Variants in YTHDC1 observed in about 807,000 individuals in gnomAD.
The protein encoded by YTHDC1 is YTH domain-containing protein 1.
Under a neutral mutation model 107.0 loss-of-function variants are expected in YTHDC1, and 12 were observed. That is an observed-to-expected ratio of 0.11 (90% CI 0.07 to 0.18). The LOEUF is 0.18. Among genes scored for constraint, YTHDC1 ranks in the 10% least tolerant of loss-of-function variants. The pLI, the probability that YTHDC1 is intolerant of heterozygous loss-of-function variation, is 1.00. For missense variants in YTHDC1, 635 were observed against 898.8 expected (o/e 0.71, Z 3.75); for synonymous variants, 280 against 289.5 (o/e 0.97, Z 0.33).
intron 1 of YTHDC1, among the ~76,000 whole-genome samples, chr4:68,346,635 C>T (rs1725474603): frequency 1.3e-5 from 2 of 152,110 alleles, no homozygotes; most frequent in Admixed American, 1.3e-4. Flanking sequence ...CATATGTTAC[C>T]TGCCATTAGT....
At chr4:68,346,244 C>T (rs1305223165) in intron 1 of YTHDC1, among the ~76,000 whole-genome samples, 2 of 151,846 alleles carry the variant, frequency 1.3e-5, no homozygotes, top group East Asian at 3.9e-4. Flanking sequence ...AGGAAGACCT[C>T]GTCTCTACTA....
Position 68,316,341 on chromosome 4 carries a change from A to C in YTHDC1, c.1932T>G (p.His644Gln), listed in dbSNP as rs1296578972. The change falls in exon 16 of 17, where the codon CAT becomes CAG. Residue 644 changes from histidine (H) to glutamine (Q), a missense_variant. Coordinates refer to ENST00000344157, the MANE Select transcript of YTHDC1 (RefSeq NM_001031732.4). The part of the protein sequence containing the change: ...PPYSGHHPVP[H>Q]EARYRDKRVH... ...CTCGTTTATCTCTGTATCTTGCTTC[A>C]TGTGGTACTGGATGATGTCCTGAGT... 6.2e-7 allele frequency: 1 copy of C among 1,613,626 alleles called. No individual in the cohort carries two copies. The highest frequency in any genetic ancestry group is 8.5e-7 in the Non-Finnish European group (1 of 1,179,750).
chr4:68,333,986 A>T (rs1723881083), intron 4 of YTHDC1, among the ~76,000 whole-genome samples: 1 of 152,058 alleles, frequency 6.6e-6, no homozygotes, highest in Non-Finnish European at 1.5e-5. Context: ...CTTATTTTCA[A>T]ATTCAATTTA....
chr4:68,336,900 TA>T, intron 4 of YTHDC1, 126 bp downstream of exon 4: 1 of 1,290,798 alleles, frequency 7.7e-7, no homozygotes, highest in Non-Finnish European at 1.0e-6. Flanking sequence ...CAAAAGCATA[TA>T]AAGGATCACA....
chr4:68,325,254 T>C (rs1056723625), intron 9 of YTHDC1, among the ~76,000 whole-genome samples: 6 of 152,154 alleles, frequency 3.9e-5, no homozygotes, highest in African/African-American at 1.4e-4. Context: ...GGGTACTATA[T>C]GCACAATACA....
intron 9 of YTHDC1, among the ~76,000 whole-genome samples, chr4:68,325,256 C>T (rs1463574077): frequency 6.6e-6 from 1 of 151,974 alleles, no homozygotes; most frequent in Non-Finnish European, 1.5e-5. Context: ...GTACTATATG[C>T]ACAATACAGA....
intron 1 of YTHDC1, among the ~76,000 whole-genome samples, chr4:68,340,147 G>A (rs1317735990): frequency 2.6e-5 from 4 of 152,108 alleles, no homozygotes; most frequent in Non-Finnish European, 5.9e-5. Context: ...TAACCTGGGG[G>A]CTATAAACAG....
At position 68,316,350 on chromosome 4, in the gene YTHDC1, T is replaced by A. The variant is rs2109677035; in HGVS notation, c.1923A>T (p.Pro641=). Residue 641 remains proline, a synonymous_variant, in exon 16 of 17, where the codon CCA becomes CCT. Transcript: ENST00000344157. ...QAHPPYSGHH[P]VPHEARYRDK... is the part of the protein sequence containing the mutation. Reference sequence around the variant, plus strand: ...CTCTGTATCTTGCTTCATGTGGTACTGGATGATGTCCTGAGTAAGGGGGAT... The same window carrying A: ...CTCTGTATCTTGCTTCATGTGGTACAGGATGATGTCCTGAGTAAGGGGGAT... 3.1e-6 allele frequency: 5 copies of A among 1,614,042 alleles called. No individual in the cohort carries two copies. The highest frequency in any genetic ancestry group is 4.2e-6 in the Non-Finnish European group (5 of 1,179,910).
rs1186963885 is a variant in YTHDC1 at position 68,350,009 on chromosome 4, G to GA, written c.-257dup. On this transcript the variant is annotated 5_prime_UTR_variant, in exon 1 of 17. Coordinates refer to ENST00000344157, the MANE Select transcript of YTHDC1 (RefSeq NM_001031732.4). ...GCTCAGACTCGGGCTAGGTATGGGG[G>GA]AGGGAAGGGAAACAGATGGCGACGG... The GA allele has an allele frequency of 6.9e-6, 4 of 578,678 alleles. No individual in the cohort carries two copies. In the African/African-American group the frequency reaches 7.6e-5, roughly 11 times the overall value. 35.8% of individuals were successfully genotyped at this position (578,678 alleles called of 1,614,324 possible).
At position 68,324,184 on chromosome 4, in the gene YTHDC1, A is replaced by G; in HGVS notation, c.1389T>C (p.Asn463=). 1 of 1,613,980 alleles carries G rather than the reference A, an allele frequency of 6.2e-7. No homozygotes were observed. Among genetic ancestry groups the G allele is most frequent in the Non-Finnish European group, 8.5e-7 (1 of 1,179,950 alleles). The change falls in exon 10 of 17, where the codon AAT becomes AAC. Residue 463 remains asparagine, a synonymous_variant. Transcript: ENST00000344157. Reference sequence around the variant, plus strand: ...TTACTGGTTTATGTTCATTCCAAGGATTGGTGAGATGAGCCGACTTAGTGA... The same window carrying G: ...TTACTGGTTTATGTTCATTCCAAGGGTTGGTGAGATGAGCCGACTTAGTGA... ...LPFTKSAHLT[N]PWNEHKPVKI...
In YTHDC1 at chr4:68,313,982, T is replaced by A; in HGVS notation, c.*117A>T. The stretch of plus-strand genomic sequence containing the variant: ...CAAAGGGGGTCATAATAAATCCTTC[T>A]ACACAATGAACTTCATAGGCAGACA... On this transcript the variant is annotated 3_prime_UTR_variant, in exon 17 of 17. Coordinates refer to ENST00000344157, the MANE Select transcript of YTHDC1 (RefSeq NM_001031732.4). 1 of 1,079,476 alleles carries A rather than the reference T, an allele frequency of 9.3e-7. No homozygotes were observed. The allele number at this position is 1,079,476 out of a possible 1,614,324, so 66.9% of individuals were successfully genotyped here.
chr4:68,338,667 A>G (rs757745692), intron 1 of YTHDC1, among the ~76,000 whole-genome samples: 12 of 152,234 alleles, frequency 7.9e-5, no homozygotes, highest in East Asian at 3.9e-4. Flanking sequence ...CCTGGCCAAC[A>G]TGGCAAAACC....
chr4:68,330,513 A>T (rs1460042584), intron 7 of YTHDC1, among the ~76,000 whole-genome samples: 1 of 152,184 alleles, frequency 6.6e-6, no homozygotes, highest in African/African-American at 2.4e-5. Context: ...ACAATTACCA[A>T]TTTTACAAAA....
chr4:68,323,209 T>C (rs182231180), intron 10 of YTHDC1, among the ~76,000 whole-genome samples: 254 of 152,074 alleles, frequency 1.7e-3, no homozygotes, highest in African/African-American at 5.8e-3. Flanking sequence ...TTGTGCAAAA[T>C]AGAAAAATAT....
intron 9 of YTHDC1, among the ~76,000 whole-genome samples, chr4:68,328,388 A>C (rs1382297070): frequency 6.6e-6 from 1 of 152,190 alleles, no homozygotes; most frequent in Non-Finnish European, 1.5e-5. Context: ...AACTTTAATT[A>C]TAACTTAATT....
At chr4:68,329,479 A>C (rs1723345597) in intron 9 of YTHDC1, among the ~76,000 whole-genome samples, 1 of 152,220 alleles carries the variant, frequency 6.6e-6, no homozygotes, top group Non-Finnish European at 1.5e-5. Flanking sequence ...TCACTTAAAT[A>C]ATGAGCTTCT....
chr4:68,318,289 A>G (rs1722082597), intron 15 of YTHDC1, among the ~76,000 whole-genome samples: 1 of 152,090 alleles, frequency 6.6e-6, no homozygotes, highest in South Asian at 2.1e-4. Context: ...TTTAGTAGAG[A>G]CAAGGTTTCA....
At position 68,332,188 on chromosome 4, in the gene YTHDC1, C is replaced by T. The variant is rs1382911599; in HGVS notation, c.1037G>A (p.Ser346Asn). ...SVRAVRKDQT[S>N]KLKYVLQDAR... ...ATCTTGAAGCACATATTTGAGTTTA[C>T]TGGTTTGATCTGAAAAAAAAAGAAA... is the stretch of plus-strand genomic sequence containing the variant. The change falls in exon 7 of 17, where the codon AGT becomes AAT. Residue 346 changes from serine (S) to asparagine (N), a missense_variant. By Grantham distance (46) the Ser-to-Asn change is conservative (BLOSUM62 1). Around this residue, in one of 5 missense-constraint regions of YTHDC1, gnomAD observed 60 missense variants for 172.0 expected, o/e 0.35. Coordinates refer to ENST00000344157, the MANE Select transcript of YTHDC1 (RefSeq NM_001031732.4). 1 of 1,593,498 alleles carries T rather than the reference C, an allele frequency of 6.3e-7. No individual in the cohort carries two copies. Among genetic ancestry groups the T allele is most frequent in the Non-Finnish European group, 8.5e-7 (1 of 1,171,060 alleles).
chr4:68,346,572 T>C (rs139661961), intron 1 of YTHDC1, among the ~76,000 whole-genome samples: 27 of 152,330 alleles, frequency 1.8e-4, no homozygotes, highest in African/African-American at 6.5e-4. Flanking sequence ...ACTGTCCCAC[T>C]CTGTCCTGCC....
Sources: allele counts gnomAD v4.1 joint callset (sites outside exome capture counted in the v4.1 genomes callset), GRCh38; gene constraint gnomAD v4.1.1; regional missense constraint gnomAD v4.1.1; transcripts MANE v1.5; gene names NCBI Gene and HGNC (gene_info 2026-07-23, HGNC 2026-07-21).